The following HEATR4 variants were observed in gnomAD, a reference collection of about 807,000 sequenced individuals.
HEATR4 encodes the protein HEAT repeat containing 4, also known as HEAT repeat-containing protein 4.
In HEATR4, 95 loss-of-function variants were observed where a neutral mutation model predicts 108.8. That is an observed-to-expected ratio of 0.87 (90% CI 0.74 to 1.04). The LOEUF is 1.04. Among genes scored for constraint, HEATR4 ranks in the 50% least tolerant of loss-of-function variants. The pLI is 0.00. For synonymous variants in HEATR4, 443 were observed against 459.4 expected (o/e 0.96, Z 0.46); for missense variants, 1,152 against 1,253.8 (o/e 0.92, Z 1.23).
Position 73,492,049 on chromosome 14 carries a change from C to T in HEATR4, c.2844+1017G>A. 3 of 1,613,996 alleles carry T rather than the reference C, an allele frequency of 1.9e-6. No individual in the cohort carries two copies. The highest frequency in any genetic ancestry group is 2.5e-6 in the Non-Finnish European group (3 of 1,179,890). ...GCTTTGCCCCCCACTACGACGACAT[C>T]GAGGCCTTCGTGCTGCAGCTGGAAG... On this transcript the variant is annotated intron_variant, in intron 17 of 17. Coordinates refer to ENST00000553558, the MANE Select transcript of HEATR4 (RefSeq NM_001220484.1). The surrounding 1 kb of genome is among the most constrained non-coding windows in gnomAD (Gnocchi z 4.9).
intron 9 of HEATR4, among the ~76,000 whole-genome samples, chr14:73,506,834 G>GTTTTTTTTTTTT (rs1886890070): frequency 3.7e-5 from 2 of 54,558 alleles, no homozygotes; most frequent in African/African-American, 9.2e-5. Flanking sequence ...TTCTGAGAAG[G>GTTTTTTTTTTTT]TTGTCCCCCA....
At chr14:73,594,673 GTTATTTATTTATTTATTTAT>G in the HEATR4 span, among the ~76,000 whole-genome samples, 3 of 147,132 alleles carry the variant, frequency 2.0e-5, no homozygotes, top group African/African-American at 7.5e-5. Flanking sequence ...CATTGGATAA[GTTATTTATTTATTTATTTAT>G]TTATTTATTT....
At chr14:73,579,094 A>C in the HEATR4 span, among the ~76,000 whole-genome samples, 2 of 140,068 alleles carry the variant, frequency 1.4e-5, no homozygotes, top group Admixed American at 7.0e-5. Flanking sequence ...AAAAAAAGAA[A>C]AAAAAAAAAA....
chr14:73,524,029 G>A (rs1374163513), intron 2 of HEATR4, among the ~76,000 whole-genome samples: 3 of 151,842 alleles, frequency 2.0e-5, no homozygotes, highest in African/African-American at 7.3e-5. Flanking sequence ...AGTGGCTCAC[G>A]CCTGTAATCC....
At position 73,492,105 on chromosome 14, in the gene HEATR4, G is replaced by A. The variant is rs1885805316; in HGVS notation, c.2844+961C>T. ...AAACTCTGGCGTGTATACCGACCCC[G>A]AGTCCCAACCGAGGAACTGGCTCTG... On this transcript the variant is annotated intron_variant, in intron 17 of 17. Transcript: ENST00000553558. This position sits in a 1 kb window ranked among gnomAD's most constrained non-coding sequence, Gnocchi z 4.9. 1 of 1,613,934 alleles carries A rather than the reference G, an allele frequency of 6.2e-7. No homozygotes were observed. The highest frequency in any genetic ancestry group is 8.5e-7 in the Non-Finnish European group (1 of 1,179,884).
At chr14:73,567,426 C>T in the HEATR4 span, among the ~76,000 whole-genome samples, 2 of 152,048 alleles carry the variant, frequency 1.3e-5, no homozygotes, top group Non-Finnish European at 2.9e-5. Flanking sequence ...CCAATCAGCA[C>T]TCTGTGTCTA....
At chr14:73,490,047 C>G (rs1399328027) in intron 17 of HEATR4, among the ~76,000 whole-genome samples, 1 of 152,234 alleles carries the variant, frequency 6.6e-6, no homozygotes, top group Non-Finnish European at 1.5e-5. Context: ...CCAAGGAACA[C>G]TGCAATGTGC....
At chr14:73,562,915 G>A (rs1889550089), upstream of HEATR4, among the ~76,000 whole-genome samples, 1 of 151,970 alleles carries the variant, frequency 6.6e-6, no homozygotes, top group Non-Finnish European at 1.5e-5. Context: ...TTTGCCTTGT[G>A]ATCTTTGTTG....
chr14:73,569,214 C>T, the HEATR4 span: 78 of 1,610,902 alleles, frequency 4.8e-5, 1 homozygote, highest in Middle Eastern at 1.7e-4. Context: ...CTAGTGGGCG[C>T]TTAGCCTGCG....
intron 11 of HEATR4, 36 bp downstream of exon 11, chr14:73,502,859 T>A (rs1435730753): frequency 1.3e-6 from 2 of 1,519,658 alleles, no homozygotes; most frequent in Non-Finnish European, 1.8e-6. Flanking sequence ...TTCTAAGAAT[T>A]TAGAAGAGTG....
At chr14:73,503,059 A>G in intron 10 of HEATR4, 46 bp from the exon 11 acceptor site, 1 of 1,430,422 alleles carries the variant, frequency 7.0e-7, no homozygotes, top group Non-Finnish European at 9.8e-7. Context: ...AATGAATGTT[A>G]ATTTTGTGCT....
chr14:73,578,108 C>G, the HEATR4 span, among the ~76,000 whole-genome samples: 1 of 151,976 alleles, frequency 6.6e-6, no homozygotes, highest in South Asian at 2.1e-4. Flanking sequence ...AGCTTGGCCT[C>G]CCAAAGTGCC....
chr14:73,534,033 C>T (rs2140307920), intron 1 of HEATR4, among the ~76,000 whole-genome samples: 1 of 109,784 alleles, frequency 9.1e-6, no homozygotes, highest in African/African-American at 3.0e-5. Context: ...AATGAACCAT[C>T]ATGGTGCCAT....
At chr14:73,498,571 A>G (rs1008571237) in intron 13 of HEATR4, among the ~76,000 whole-genome samples, 4 of 152,224 alleles carry the variant, frequency 2.6e-5, no homozygotes, top group African/African-American at 9.6e-5. Context: ...GGGATGAAAT[A>G]TAGAACAAAT....
At chr14:73,518,659 C>T (rs1167004184) in intron 5 of HEATR4, among the ~76,000 whole-genome samples, 3 of 152,046 alleles carry the variant, frequency 2.0e-5, no homozygotes, top group Admixed American at 2.0e-4. Flanking sequence ...AGAGCCAGCC[C>T]AAGGGAAAAG....
chr14:73,500,069 A>T (rs940541764), intron 12 of HEATR4, among the ~76,000 whole-genome samples: 4 of 152,160 alleles, frequency 2.6e-5, no homozygotes, highest in Non-Finnish European at 5.9e-5. Context: ...CTTTACTAAA[A>T]ACACAAAAAA....
chr14:73,520,707 T>C lies in HEATR4; in HGVS notation c.1069+145A>G, dbSNP rs1191726190. On this transcript the variant is annotated intron_variant, in intron 4 of 17. Transcript: ENST00000553558. Reference sequence around the variant, plus strand: ...CTCCCCGACCCAACTCCTGTGCTAGTGTGGGTGCTGGGTCATGAACATGAA... The same window carrying C: ...CTCCCCGACCCAACTCCTGTGCTAGCGTGGGTGCTGGGTCATGAACATGAA... The C allele has an allele frequency of 5.7e-6, 4 of 703,984 alleles. No individual in the cohort carries two copies. In the African/African-American group the frequency reaches 7.1e-5, roughly 13 times the overall value. 43.6% of individuals were successfully genotyped at this position (703,984 alleles called of 1,614,324 possible). A position where few individuals can be genotyped will look rare whatever the true frequency, so the allele number is the denominator to read the frequency against.
At chr14:73,570,759 G>A in the HEATR4 span, among the ~76,000 whole-genome samples, 24 of 151,544 alleles carry the variant, frequency 1.6e-4, no homozygotes, top group African/African-American at 4.8e-4. Context: ...AGAAAAATTA[G>A]CCAGGCGTGG....
At chr14:73,605,424 A>T in the HEATR4 span, among the ~76,000 whole-genome samples, 21 of 152,190 alleles carry the variant, frequency 1.4e-4, no homozygotes, top group Non-Finnish European at 2.6e-4. Flanking sequence ...TTTATAGGTT[A>T]TAGTTTAAAA....
Sources: gnomAD v4.1 joint callset for allele counts (sites outside exome capture counted in the v4.1 genomes callset) on GRCh38, gnomAD v4.1.1 for gene constraint, Gnocchi (gnomAD v3.1) non-coding constraint, MANE v1.5 for transcripts, NCBI Gene and HGNC (gene_info 2026-07-23, HGNC 2026-07-21) for gene names.